The following SLMAP variants were observed in gnomAD, a reference collection of about 807,000 sequenced individuals.
SLMAP encodes the protein sarcolemmal membrane-associated protein.
A neutral mutation model predicts 128.8 loss-of-function variants in SLMAP; 44 were observed. That is an observed-to-expected ratio of 0.34 (90% CI 0.27 to 0.44). The LOEUF (loss-of-function observed/expected upper bound fraction) is 0.44. SLMAP is among the 20% of genes least tolerant of loss of function. SLMAP has a pLI of 1.00. For synonymous variants in SLMAP, 327 were observed against 348.8 expected (o/e 0.94, Z 0.70); for missense variants, 787 against 985.3 (o/e 0.80, Z 2.69).
chr3:57,928,945 G>A lies in SLMAP; in HGVS notation c.*1656G>A, dbSNP rs1418079503. The A allele has an allele frequency of 6.6e-6, 1 of 152,582 alleles. No individual in the cohort carries two copies. Among genetic ancestry groups the A allele is most frequent in the Non-Finnish European group, 1.5e-5 (1 of 68,000 alleles). The allele number at this position is 152,582 out of a possible 1,614,324, so 9.5% of individuals were successfully genotyped here. A position where few individuals can be genotyped will look rare whatever the true frequency, so the allele number is the denominator to read the frequency against. ...TGTTGCAGGAAGCCACTCCACCACAGAATGCTAATATGCCAGTGGTACCCA... is the reference window on the plus strand; with the variant it reads ...TGTTGCAGGAAGCCACTCCACCACAAAATGCTAATATGCCAGTGGTACCCA... On this transcript the variant is annotated 3_prime_UTR_variant, in exon 25 of 25. Transcript: ENST00000671191.
chr3:57,831,571 A>C (rs779002453), intron 3 of SLMAP, 41 bp downstream of exon 3: 41 of 1,351,398 alleles, frequency 3.0e-5, no homozygotes, highest in Non-Finnish European at 3.8e-5. Context: ...TGTCTTTTAA[A>C]GGTTATTTAA....
intron 6 of SLMAP, among the ~76,000 whole-genome samples, chr3:57,853,531 C>T (rs950267403): frequency 3.3e-5 from 5 of 152,150 alleles, no homozygotes; most frequent in African/African-American, 1.2e-4. Flanking sequence ...AAAACCACAA[C>T]TAAGTGCTAT....
intron 2 of SLMAP, among the ~76,000 whole-genome samples, chr3:57,822,755 C>A (rs1393889472): frequency 1.3e-5 from 2 of 152,268 alleles, no homozygotes; most frequent in African/African-American, 2.4e-5. Flanking sequence ...GCTGTTTCAA[C>A]CCCCACAAGC....
intron 15 of SLMAP, chr3:57,891,192 A>C (rs2096060787): frequency 6.6e-6 from 1 of 151,752 alleles, no homozygotes; most frequent in South Asian, 2.1e-4. Flanking sequence ...CAGCACTTTG[A>C]AGTAGAGCCT....
chr3:57,794,143 T>C (rs984737189), intron 2 of SLMAP, among the ~76,000 whole-genome samples: 1 of 152,160 alleles, frequency 6.6e-6, no homozygotes, highest in African/African-American at 2.4e-5. Flanking sequence ...TTAGTTTTGG[T>C]GGCTGTTCTT....
intron 2 of SLMAP, among the ~76,000 whole-genome samples, chr3:57,760,913 G>A (rs1576003113): frequency 6.6e-6 from 1 of 151,978 alleles, no homozygotes; most frequent in Non-Finnish European, 1.5e-5. Flanking sequence ...TTTTAGTAGA[G>A]ACAGGGTTTC....
chr3:57,882,477 A>T (rs2095771302), intron 14 of SLMAP, among the ~76,000 whole-genome samples: 1 of 152,302 alleles, frequency 6.6e-6, no homozygotes, highest in Admixed American at 6.5e-5. Context: ...AAACCCTAAG[A>T]CTGAGATTGG....
At chr3:57,913,124 C>T in intron 20 of SLMAP, 34 bp from the exon 21 acceptor site, 5 of 954,988 alleles carry the variant, frequency 5.2e-6, no homozygotes, top group Non-Finnish European at 8.3e-6. Flanking sequence ...AGTTATATTT[C>T]TGTATTAACA....
At chr3:57,864,971 GTATC>G (rs2095254337) in intron 12 of SLMAP, 114 bp downstream of exon 12, 1 of 824,204 alleles carries the variant, frequency 1.2e-6, no homozygotes, top group African/African-American at 1.8e-5. Flanking sequence ...TAGGTATAAA[GTATC>G]TATATTCTTT....
chr3:57,880,167 CATTTTTGTTTTGTTTT>C (rs1322771621), intron 14 of SLMAP, among the ~76,000 whole-genome samples: 1 of 130,278 alleles, frequency 7.7e-6, no homozygotes, highest in Non-Finnish European at 1.6e-5. Flanking sequence ...TTTTGTATGT[CATTTTTGTTTTGTTTT>C]GTTTTGTTTT....
Position 57,864,735 on chromosome 3 carries a change from A to G in SLMAP, c.1135+19A>G, listed in dbSNP as rs1173710726. ...TTACAAGGTAAGTAGCTAATCCAGA[A>G]ATTGATTTTATTTTATTTTTTTTCT... On this transcript the variant is annotated intron_variant, in intron 11 of 24. Coordinates refer to ENST00000671191, the MANE Select transcript of SLMAP (RefSeq NM_001377540.1). 1 of 1,577,956 alleles carries G rather than the reference A, an allele frequency of 6.3e-7. No homozygotes were observed. Among genetic ancestry groups the G allele is most frequent in the Admixed American group, 2.0e-5 (1 of 50,174 alleles).
intron 3 of SLMAP, among the ~76,000 whole-genome samples, chr3:57,838,763 C>G (rs2093764114): frequency 2.0e-5 from 3 of 152,112 alleles, no homozygotes; most frequent in Admixed American, 1.3e-4. Flanking sequence ...AAGGGACAGC[C>G]TGTGTAAAAG....
At chr3:57,793,588 AT>A (rs761234191) in intron 2 of SLMAP, among the ~76,000 whole-genome samples, 2 of 152,200 alleles carry the variant, frequency 1.3e-5, no homozygotes, top group Non-Finnish European at 1.5e-5. Context: ...AATTTGTCCT[AT>A]TAATTTACTG....
At chr3:57,825,183 G>A (rs2092824742) in intron 2 of SLMAP, among the ~76,000 whole-genome samples, 1 of 150,062 alleles carries the variant, frequency 6.7e-6, no homozygotes, top group Non-Finnish European at 1.5e-5. Context: ...CATGTCATCT[G>A]TGAATAAACA....
chr3:57,910,502 C>T (rs892429023), intron 19 of SLMAP, among the ~76,000 whole-genome samples: 1 of 152,118 alleles, frequency 6.6e-6, no homozygotes, highest in African/African-American at 2.4e-5. Flanking sequence ...TTATATATCA[C>T]GTGGAATAGG....
intron 8 of SLMAP, among the ~76,000 whole-genome samples, chr3:57,858,924 A>T (rs1412944462): frequency 6.6e-6 from 1 of 152,138 alleles, no homozygotes; most frequent in African/African-American, 2.4e-5. Context: ...CCTGGGCAAC[A>T]AGAGTGAAAC....
At chr3:57,856,914 A>G (rs2153592420) in intron 6 of SLMAP, among the ~76,000 whole-genome samples, 1 of 152,058 alleles carries the variant, frequency 6.6e-6, no homozygotes, top group South Asian at 2.1e-4. Flanking sequence ...AGCGATAGAA[A>G]TTTTTCAGCT....
intron 2 of SLMAP, among the ~76,000 whole-genome samples, chr3:57,787,107 C>T (rs1357307989): frequency 6.6e-6 from 1 of 152,146 alleles, no homozygotes; most frequent in Non-Finnish European, 1.5e-5. Flanking sequence ...TTTCCAGTCC[C>T]TTATGAGCAT....
intron 10 of SLMAP, 101 bp from the exon 11 acceptor site, chr3:57,864,447 C>A: frequency 2.8e-6 from 2 of 704,402 alleles, no homozygotes; most frequent in Non-Finnish European, 4.7e-6. Context: ...TTCTACAGAA[C>A]AAACTTTTCT....
Sources: gnomAD v4.1 joint callset for allele counts (sites outside exome capture counted in the v4.1 genomes callset) on GRCh38, gnomAD v4.1.1 for gene constraint, MANE v1.5 for transcripts, NCBI Gene and HGNC (gene_info 2026-07-23, HGNC 2026-07-21) for gene names.